CHL1: variants seen among roughly 807,000 people sequenced by gnomAD.
CHL1 encodes the protein cell adhesion molecule L1 like.
A neutral mutation model predicts 141.9 loss-of-function variants in CHL1; 96 were observed. The ratio of observed to expected loss-of-function variants is 0.68; its 90% CI spans 0.57 to 0.80. The LOEUF (loss-of-function observed/expected upper bound fraction) is 0.80. Ranked by LOEUF, CHL1 falls within the 30% of genes least tolerant of loss-of-function variation. The pLI is 0.00. For synonymous variants in CHL1, 613 were observed against 502.2 expected, an observed-to-expected ratio of 1.22 and a Z score of -2.95; for missense variants, 1,820 against 1,457.2, an observed-to-expected ratio of 1.25 and a Z score of -4.05.
chr3:234,993 C>CATTAT (rs1691812868), intron 1 of CHL1, among the ~76,000 whole-genome samples: 1 of 148,282 alleles, frequency 6.7e-6, no homozygotes, highest in Non-Finnish European at 1.5e-5. Context: ...TTTTTTATTA[C>CATTAT]TATTATTATT....
At chr3:387,424 G>A (rs1707839821) in intron 19 of CHL1, among the ~76,000 whole-genome samples, 1 of 152,156 alleles carries the variant, frequency 6.6e-6, no homozygotes, top group Admixed American at 6.5e-5. Flanking sequence ...AGGCTCAGTA[G>A]GCATTGCCTT....
chr3:255,702 C>A (rs1694092037), intron 2 of CHL1, among the ~76,000 whole-genome samples: 5 of 152,136 alleles, frequency 3.3e-5, no homozygotes, highest in Non-Finnish European at 7.4e-5. Flanking sequence ...ATAGTTTTTT[C>A]CTAGTATTTC....
chr3:328,100 T>C lies in CHL1; in HGVS notation c.198-67T>C, dbSNP rs1415392212. On this transcript the variant is annotated intron_variant, in intron 4 of 27. Transcript: ENST00000256509. ...CTTGGTTTTGTCAATTTTATGCAATTGTTAATAAGTACTCTAAACATATGT... is the reference window on the plus strand; with the variant it reads ...CTTGGTTTTGTCAATTTTATGCAATCGTTAATAAGTACTCTAAACATATGT... 5.7e-6 allele frequency: 7 copies of C among 1,228,518 alleles called. No individual in the cohort carries two copies. In the African/African-American group the frequency reaches 9.2e-5, roughly 16 times the overall value. 76.1% of individuals were successfully genotyped at this position (1,228,518 alleles called of 1,614,324 possible).
chr3:354,537 G>A, intron 10 of CHL1, 103 bp from the exon 11 acceptor site: 2 of 1,296,838 alleles, frequency 1.5e-6, no homozygotes, highest in Admixed American at 2.4e-5. Context: ...AACCCTTTGT[G>A]GTGTCTGCCC....
chr3:397,041 G>A (rs1181655667), intron 24 of CHL1, among the ~76,000 whole-genome samples: 3 of 152,084 alleles, frequency 2.0e-5, no homozygotes, highest in Admixed American at 1.3e-4. Context: ...ATTTTTCTCT[G>A]ATTGTTTTCA....
In CHL1 at chr3:366,195, G is replaced by C. The variant is rs1197433805; in HGVS notation, c.1751+80G>C. On this transcript the variant is annotated intron_variant, in intron 15 of 27. Transcript: ENST00000256509. ...TTTGATTTAAAAAGTTCTAGGTCGG[G>C]CATGCTGACTCACGCTTGTAATCCC... is the stretch of plus-strand genomic sequence containing the variant. The C allele has an allele frequency of 3.7e-6, 5 of 1,364,234 alleles. No individual in the cohort carries two copies. In the African/African-American group the frequency reaches 7.3e-5, roughly 20 times the overall value. 84.5% of individuals were successfully genotyped at this position (1,364,234 alleles called of 1,614,324 possible).
intron 2 of CHL1, among the ~76,000 whole-genome samples, chr3:295,448 C>T (rs914981673): frequency 5.9e-5 from 9 of 152,060 alleles, no homozygotes; most frequent in Admixed American, 4.6e-4. Context: ...AAAAGTGATA[C>T]AATCATCAGA....
intron 5 of CHL1, among the ~76,000 whole-genome samples, chr3:337,085 G>T (rs753378770): frequency 5.9e-5 from 9 of 152,090 alleles, no homozygotes; most frequent in Non-Finnish European, 1.0e-4. Flanking sequence ...GCTGTGATAT[G>T]CTTGCTTTGC....
At chr3:242,896 G>A (rs1210228379) in intron 1 of CHL1, among the ~76,000 whole-genome samples, 1 of 152,092 alleles carries the variant, frequency 6.6e-6, no homozygotes, top group African/African-American at 2.4e-5. Context: ...CTAAGTGAGA[G>A]TGGGGTGGGT....
chr3:398,879 AT>A (rs1708890037), intron 25 of CHL1, 137 bp from the exon 26 acceptor site: 2 of 662,040 alleles, frequency 3.0e-6, no homozygotes, highest in African/African-American at 3.6e-5. Context: ...TGTCCTTCAA[AT>A]TGCATTCCTT....
chr3:253,590 A>G (rs1358310401), intron 2 of CHL1, among the ~76,000 whole-genome samples: 1 of 152,200 alleles, frequency 6.6e-6, no homozygotes, highest in Non-Finnish European at 1.5e-5. Flanking sequence ...GTAATCCAAT[A>G]ATACAACATC....
In CHL1 at chr3:199,250, C is replaced by G. The variant is rs1575586655; in HGVS notation, c.-175+2187C>G. On this transcript the variant is annotated intron_variant, in intron 1 of 27. Transcript: ENST00000256509. ...AATATTGTGAGCAAATCAATGGAGA[C>G]AAATAGTTATTACTGGATGGGTGTG... Among the ~76,000 whole-genome samples the G allele has an allele frequency of 3.3e-5, 5 of 152,220 alleles. No individual in the cohort carries two copies. The South Asian group carries it at 1.0e-3, about 32-fold the overall frequency.
chr3:249,129 G>T (rs985707809), intron 2 of CHL1, among the ~76,000 whole-genome samples: 1 of 152,150 alleles, frequency 6.6e-6, no homozygotes, highest in Admixed American at 6.6e-5. Flanking sequence ...GCAGAGATTT[G>T]GCAGATATTT....
At chr3:288,168 A>C (rs1299521638) in intron 2 of CHL1, among the ~76,000 whole-genome samples, 1 of 152,196 alleles carries the variant, frequency 6.6e-6, no homozygotes, top group African/African-American at 2.4e-5. Flanking sequence ...AAGGTGACCA[A>C]GTTTATACAT....
chr3:354,139 A>T (rs927501181), intron 10 of CHL1, among the ~76,000 whole-genome samples: 1 of 152,222 alleles, frequency 6.6e-6, no homozygotes, highest in African/African-American at 2.4e-5. Flanking sequence ...CAAGTAGATT[A>T]TATGTATAAA....
chr3:361,278 A>T lies in CHL1; in HGVS notation c.1307-421A>T, dbSNP rs551955005. The stretch of plus-strand genomic sequence containing the variant: ...AAAACCATAAAAACCCTAGAAGAAA[A>T]CCTAGGCATTACCATTCAGGACATA... On this transcript the variant is annotated intron_variant, in intron 12 of 27. Coordinates refer to ENST00000256509, the MANE Select transcript of CHL1 (RefSeq NM_006614.4). Among the ~76,000 whole-genome samples, 287 of 148,830 alleles carry T rather than the reference A, an allele frequency of 1.9e-3. 1 individual carries two copies. Among genetic ancestry groups the T allele is most frequent in the African/African-American group, 6.7e-3 (272 of 40,430 alleles).
chr3:325,060 C>A (rs1700899746), intron 3 of CHL1, among the ~76,000 whole-genome samples: 1 of 149,174 alleles, frequency 6.7e-6, no homozygotes, highest in African/African-American at 2.5e-5. Context: ...TCTAAGGAAA[C>A]AGAACAAAAC....
intron 1 of CHL1, chr3:213,476 C>T (rs1434287012): frequency 6.6e-6 from 1 of 152,094 alleles, no homozygotes; most frequent in Non-Finnish European, 1.5e-5. Flanking sequence ...ACTTTCTGGC[C>T]TGAAGTTGCT....
At chr3:362,360 G>T (rs549895298) in intron 13 of CHL1, among the ~76,000 whole-genome samples, 1 of 152,206 alleles carries the variant, frequency 6.6e-6, no homozygotes, top group South Asian at 2.1e-4. Context: ...GGTCTGTAGG[G>T]CAGTGTGAGA....
Sources: gnomAD v4.1 joint callset for allele counts (sites outside exome capture counted in the v4.1 genomes callset) on GRCh38, gnomAD v4.1.1 for gene constraint, MANE v1.5 for transcripts, NCBI Gene and HGNC (gene_info 2026-07-23, HGNC 2026-07-21) for gene names.